Variants in PTPRD observed in about 807,000 individuals in gnomAD.
The protein encoded by PTPRD is protein tyrosine phosphatase receptor type D, also known as receptor-type tyrosine-protein phosphatase delta.
In PTPRD, 34 loss-of-function variants were observed where a neutral mutation model predicts 214.5. That is an observed-to-expected ratio of 0.16 (90% CI 0.12 to 0.21). The LOEUF is 0.21. Ranked by LOEUF, PTPRD falls within the 10% of genes least tolerant of loss-of-function variation. PTPRD has a pLI of 1.00. For synonymous variants in PTPRD, 1,128 were observed against 845.7 expected, an observed-to-expected ratio of 1.33 and a Z score of -5.79; for missense variants, 2,545 against 2,398.7, an observed-to-expected ratio of 1.06 and a Z score of -1.27.
At chr9:9,221,294 C>G (rs1386564505) in intron 9 of PTPRD, among the ~76,000 whole-genome samples, 1 of 152,072 alleles carries the variant, frequency 6.6e-6, no homozygotes, top group African/African-American at 2.4e-5. Flanking sequence ...TTCGGAGCAA[C>G]AGGAGAAAAC....
At position 8,698,522 on chromosome 9, in the gene PTPRD, A is replaced by T. The variant is rs181269968; in HGVS notation, c.64+35258T>A. 9.3e-4 allele frequency among the ~76,000 whole-genome samples: 141 copies of T among 152,268 alleles called. 1 individual carries two copies. Among genetic ancestry groups the T allele is most frequent in the African/African-American group, 3.4e-3 (140 of 41,546 alleles). ...AGCTGGATTTAAAAATTCTTCAGTC[A>T]TTTTCTGTTGAAAGTTTTATCTACA... On this transcript the variant is annotated intron_variant, in intron 12 of 45. Coordinates refer to ENST00000381196, the MANE Select transcript of PTPRD (RefSeq NM_002839.4).
At chr9:8,897,883 C>A (rs1264583488) in intron 11 of PTPRD, among the ~76,000 whole-genome samples, 4 of 152,136 alleles carry the variant, frequency 2.6e-5, no homozygotes, top group African/African-American at 4.8e-5. Flanking sequence ...ATTAGTAACA[C>A]CCCATCTGCC....
chr9:9,051,800 A>G (rs2099686191), intron 10 of PTPRD, among the ~76,000 whole-genome samples: 1 of 152,186 alleles, frequency 6.6e-6, no homozygotes. Context: ...TAAGGTGCTT[A>G]TACCAAATTC....
At chr9:9,099,775 C>A (rs2099788810) in intron 10 of PTPRD, among the ~76,000 whole-genome samples, 2 of 152,140 alleles carry the variant, frequency 1.3e-5, no homozygotes, top group Admixed American at 6.5e-5. Flanking sequence ...ATTAACCAGA[C>A]ACCAATTATC....
At chr9:9,076,073 T>C (rs1263945504) in intron 10 of PTPRD, among the ~76,000 whole-genome samples, 1 of 152,178 alleles carries the variant, frequency 6.6e-6, no homozygotes, top group African/African-American at 2.4e-5. Flanking sequence ...CCAGCACCTG[T>C]TGTTTCCAGA....
intron 14 of PTPRD, among the ~76,000 whole-genome samples, chr9:8,629,169 T>C (rs891724385): frequency 2.0e-5 from 3 of 151,846 alleles, no homozygotes; most frequent in African/African-American, 7.2e-5. Context: ...GATGCTTAGA[T>C]TCAAAGTTGA....
At chr9:9,264,731 A>G (rs1938294515) in intron 9 of PTPRD, among the ~76,000 whole-genome samples, 2 of 151,642 alleles carry the variant, frequency 1.3e-5, no homozygotes, top group South Asian at 4.1e-4. Flanking sequence ...TCACCAAGAC[A>G]CATTAAAATA....
At chr9:10,078,309 G>A (rs1380238883) in intron 3 of PTPRD, among the ~76,000 whole-genome samples, 2 of 146,130 alleles carry the variant, frequency 1.4e-5, no homozygotes, top group East Asian at 2.0e-4. Flanking sequence ...TCAGAAGTTC[G>A]AGACCAGCCT....
intron 11 of PTPRD, among the ~76,000 whole-genome samples, chr9:8,905,219 T>A (rs184917275): frequency 6.6e-6 from 1 of 152,232 alleles, no homozygotes; most frequent in East Asian, 1.9e-4. Context: ...AGTTCCAAAG[T>A]AAAGCATTCT....
chr9:8,960,369 A>G (rs1396242475), intron 11 of PTPRD, among the ~76,000 whole-genome samples: 1 of 152,112 alleles, frequency 6.6e-6, no homozygotes, highest in Admixed American at 6.6e-5. Context: ...TGCCATACTT[A>G]GGAACCTCTG....
intron 5 of PTPRD, among the ~76,000 whole-genome samples, chr9:9,892,887 G>A (rs1027172756): frequency 6.6e-6 from 1 of 152,034 alleles, no homozygotes; most frequent in Admixed American, 6.6e-5. Flanking sequence ...AAGAGTCAAG[G>A]ATGACTCAAA....
intron 10 of PTPRD, among the ~76,000 whole-genome samples, chr9:9,034,136 A>G (rs1469083314): frequency 6.6e-6 from 1 of 152,170 alleles, no homozygotes; most frequent in Non-Finnish European, 1.5e-5. Flanking sequence ...GGCATACTTA[A>G]GTGAGTATTG....
intron 11 of PTPRD, among the ~76,000 whole-genome samples, chr9:8,787,268 A>T (rs1218402262): frequency 1.3e-5 from 2 of 152,110 alleles, no homozygotes; most frequent in Non-Finnish European, 2.9e-5. Flanking sequence ...TCAACACACA[A>T]CTTCTAGCTT....
chr9:8,878,509 T>A (rs1357035805), intron 11 of PTPRD, among the ~76,000 whole-genome samples: 1 of 152,080 alleles, frequency 6.6e-6, no homozygotes, highest in African/African-American at 2.4e-5. Flanking sequence ...GCTCTGATTC[T>A]TCTTTCTTTC....
intron 44 of PTPRD, among the ~76,000 whole-genome samples, chr9:8,328,013 T>C (rs567761141): frequency 1.3e-5 from 2 of 152,334 alleles, no homozygotes; most frequent in Non-Finnish European, 2.9e-5. Context: ...ATTTAGCCTA[T>C]TTACATTTAA....
intron 11 of PTPRD, among the ~76,000 whole-genome samples, chr9:8,974,353 TAC>T (rs2099256164): frequency 6.6e-6 from 1 of 151,796 alleles, no homozygotes; most frequent in Admixed American, 6.6e-5. Flanking sequence ...TTAAAAAAAT[TAC>T]AGTTCTACTA....
chr9:9,432,729 A>C (rs2083688210), intron 8 of PTPRD, among the ~76,000 whole-genome samples: 1 of 152,238 alleles, frequency 6.6e-6, no homozygotes. Context: ...CTAAAGTATC[A>C]TTTAATGAAT....
At chr9:8,337,880 T>G (rs1848547332) in intron 43 of PTPRD, among the ~76,000 whole-genome samples, 1 of 152,024 alleles carries the variant, frequency 6.6e-6, no homozygotes, top group Admixed American at 6.6e-5. Context: ...ACTATTTTTT[T>G]TTTTTTTAAA....
rs375618394 is a variant in PTPRD at position 9,791,390 on chromosome 9, T to A, written c.-367-24539A>T. 7.9e-5 allele frequency among the ~76,000 whole-genome samples: 12 copies of A among 152,270 alleles called. No homozygotes were observed. In the South Asian group the frequency reaches 1.7e-3, roughly 21 times the overall value. On this transcript the variant is annotated intron_variant, in intron 5 of 45. Coordinates refer to ENST00000381196, the MANE Select transcript of PTPRD (RefSeq NM_002839.4). ...AGATGGTAAATGTAAGAAGTTTGTT[T>A]TGAACCTGTGCAATTATAATAACGA...
Sources: gnomAD v4.1 joint callset for allele counts (sites outside exome capture counted in the v4.1 genomes callset) on GRCh38, gnomAD v4.1.1 for gene constraint, MANE v1.5 for transcripts, NCBI Gene and HGNC (gene_info 2026-07-23, HGNC 2026-07-21) for gene names.